The following KCTD1 variants were observed in gnomAD, a reference collection of about 807,000 sequenced individuals.
KCTD1 encodes the protein potassium channel tetramerization domain containing 1.
A neutral mutation model predicts 66.0 loss-of-function variants in KCTD1; 24 were observed. That is an observed-to-expected ratio of 0.36 (90% CI 0.26 to 0.51). The LOEUF (loss-of-function observed/expected upper bound fraction) is 0.51. Ranked by LOEUF, KCTD1 falls within the 20% of genes least tolerant of loss-of-function variation. The pLI is 0.95. For missense variants in KCTD1, 943 were observed against 1,205.2 expected (o/e 0.78, Z 3.22); for synonymous variants, 511 against 517.2 (o/e 0.99, Z 0.16).
intron 1 of KCTD1, among the ~76,000 whole-genome samples, chr18:26,627,611 G>A (rs1987531816): frequency 6.6e-6 from 1 of 152,180 alleles, no homozygotes; most frequent in South Asian, 2.1e-4. Flanking sequence ...TTGTAATGAA[G>A]CTATGTATCT....
intron 1 of KCTD1, among the ~76,000 whole-genome samples, chr18:26,503,796 A>C (rs554493300): frequency 7.3e-6 from 1 of 136,778 alleles, no homozygotes; most frequent in African/African-American, 2.7e-5. Context: ...TAAGTCATAA[A>C]TGCAATGGAT....
At chr18:26,466,465 T>A (rs1271491259) in intron 3 of KCTD1, among the ~76,000 whole-genome samples, 1 of 152,224 alleles carries the variant, frequency 6.6e-6, no homozygotes, top group Non-Finnish European at 1.5e-5. Flanking sequence ...GGAGTAATTT[T>A]GACACTAGAG....
upstream of KCTD1, chr18:26,549,799 T>G (rs1443186870): frequency 4.1e-6 from 4 of 984,892 alleles, no homozygotes; most frequent in Non-Finnish European, 4.8e-6. Flanking sequence ...GGCGGGCACC[T>G]CGGAAACTGG....
At chr18:26,455,986 C>T in intron 4 of KCTD1, 85 bp from the exon 5 acceptor site, 2 of 1,296,784 alleles carry the variant, frequency 1.5e-6, no homozygotes, top group Non-Finnish European at 2.1e-6. Context: ...AGATTATGCG[C>T]ACTCTGGTTC....
chr18:26,619,470 G>A (rs1043628808), intron 1 of KCTD1, among the ~76,000 whole-genome samples: 2 of 152,188 alleles, frequency 1.3e-5, no homozygotes, highest in Admixed American at 6.5e-5. Context: ...TGATATAGAC[G>A]TATTGTAGGT....
intron 1 of KCTD1, among the ~76,000 whole-genome samples, chr18:26,558,372 C>T (rs1985758977): frequency 6.6e-6 from 1 of 152,154 alleles, no homozygotes; most frequent in South Asian, 2.1e-4. Flanking sequence ...TAAATTAGTA[C>T]AACCACTATG....
At chr18:26,509,603 A>T (rs1264212601) in intron 1 of KCTD1, among the ~76,000 whole-genome samples, 2 of 152,218 alleles carry the variant, frequency 1.3e-5, no homozygotes, top group Non-Finnish European at 2.9e-5. Context: ...ACTCGCTAAA[A>T]TCATCTAAAA....
At chr18:26,555,183 C>T (rs1303501988) in intron 1 of KCTD1, among the ~76,000 whole-genome samples, 2 of 152,238 alleles carry the variant, frequency 1.3e-5, no homozygotes, top group East Asian at 1.9e-4. Context: ...ATTCCTGAAA[C>T]GATTTGCTGT....
Position 26,459,702 on chromosome 18 carries a change from G to C in KCTD1, c.2357C>G (p.Ser786Cys), listed in dbSNP as rs756136500. ...GTCGTGATTCCAGCCTGCATTGACA[G>C]AGTTACACATCACGTCGCCGATCTC... ...FPEIGDVMCN[S>C]VNAGWNHDST... The change falls in exon 4 of 5, where the codon TCT becomes TGT. Residue 786 changes from serine to cysteine, a missense_variant. Ser to Cys is a moderately radical substitution (Grantham distance 112, BLOSUM62 -1). This residue lies in a region of KCTD1 where 162 missense variants were observed against 232.4 expected (regional missense o/e 0.70). Transcript: ENST00000580059. The C allele has an allele frequency of 1.7e-5, 27 of 1,613,920 alleles. No homozygotes were observed. The Admixed American group carries it at 1.8e-4, about 11-fold the overall frequency.
At chr18:26,459,119 A>C (rs1051882873) in intron 4 of KCTD1, 1 of 153,112 alleles carries the variant, frequency 6.5e-6, no homozygotes, top group Admixed American at 6.5e-5. Context: ...TTCAAGCCAA[A>C]CTGGCTTTCC....
chr18:26,587,945 T>C (rs941661545), intron 1 of KCTD1, among the ~76,000 whole-genome samples: 1 of 152,212 alleles, frequency 6.6e-6, no homozygotes. Context: ...GCTGAAACGA[T>C]AACAAAGGTT....
At chr18:26,469,350 T>C (rs1465458406) in intron 3 of KCTD1, among the ~76,000 whole-genome samples, 1 of 152,080 alleles carries the variant, frequency 6.6e-6, no homozygotes, top group Non-Finnish European at 1.5e-5. Flanking sequence ...GGTGAGTCCT[T>C]AAGCAAACTG....
In KCTD1 at chr18:26,546,885, G is replaced by T. The variant is rs1393379177; in HGVS notation, c.1652C>A (p.Ser551Tyr). 1.0e-5 allele frequency: 15 copies of T among 1,488,210 alleles called. 1 individual carries two copies. In the South Asian group the frequency reaches 1.9e-4, roughly 19 times the overall value. 92.2% of individuals were successfully genotyped at this position (1,488,210 alleles called of 1,614,324 possible). The part of the protein sequence containing the change: ...FGSGEICGPT[S>Y]PKRLCIRPSE... Reference sequence around the variant, plus strand: ...GGGGCGGATACAAAGTCTTTTGGGGGAAGTGGGGCCGCAGATTTCCCCCGA... The same window carrying T: ...GGGGCGGATACAAAGTCTTTTGGGGTAAGTGGGGCCGCAGATTTCCCCCGA... Residue 551 changes from serine to tyrosine, a missense_variant, in exon 1 of 5, where the codon TCC becomes TAC. By Grantham distance (144) the Ser-to-Tyr change is moderately radical (BLOSUM62 -2). Transcript: ENST00000580059.
intron 1 of KCTD1, among the ~76,000 whole-genome samples, chr18:26,655,366 T>C (rs536465119): frequency 2.0e-5 from 3 of 152,272 alleles, no homozygotes; most frequent in South Asian, 2.1e-4. Context: ...GCTTAGTTGA[T>C]TGAAAACAGA....
At chr18:26,466,506 G>A (rs1980741546) in intron 3 of KCTD1, among the ~76,000 whole-genome samples, 1 of 152,152 alleles carries the variant, frequency 6.6e-6, no homozygotes, top group African/African-American at 2.4e-5. Flanking sequence ...GACACTCTTG[G>A]TTGTTGCAAC....
intron 3 of KCTD1, among the ~76,000 whole-genome samples, chr18:26,466,664 G>C (rs1980751718): frequency 6.6e-6 from 1 of 152,158 alleles, no homozygotes; most frequent in African/African-American, 2.4e-5. Context: ...TGCAGCCTAA[G>C]GAGCATGCAA....
chr18:26,599,554 G>C (rs1568005626), intron 1 of KCTD1: 1 of 1,513,826 alleles, frequency 6.6e-7, no homozygotes, highest in Middle Eastern at 1.7e-4. Flanking sequence ...TGAACCAGCT[G>C]TTGCAGTCTG....
At chr18:26,563,685 T>C (rs983014071) in intron 1 of KCTD1, among the ~76,000 whole-genome samples, 1 of 152,260 alleles carries the variant, frequency 6.6e-6, no homozygotes, top group Non-Finnish European at 1.5e-5. Flanking sequence ...CTGCCACTTA[T>C]GTGTTGTGTG....
intron 1 of KCTD1, chr18:26,600,347 G>T: frequency 7.1e-7 from 1 of 1,404,616 alleles, no homozygotes; most frequent in South Asian, 1.2e-5. Flanking sequence ...GCCTAGGAAG[G>T]GCCTGACATG....
Sources: gnomAD v4.1 joint callset for allele counts (sites outside exome capture counted in the v4.1 genomes callset) on GRCh38, gnomAD v4.1.1 for gene constraint, gnomAD v4.1.1 regional missense constraint, MANE v1.5 for transcripts, NCBI Gene and HGNC (gene_info 2026-07-23, HGNC 2026-07-21) for gene names.